AHCYL1: variants seen among roughly 807,000 people sequenced by gnomAD.
AHCYL1 encodes the protein S-adenosylhomocysteine hydrolase-like protein 1.
A neutral mutation model predicts 79.3 loss-of-function variants in AHCYL1; 20 were observed. The ratio of observed to expected loss-of-function variants is 0.25; its 90% CI spans 0.18 to 0.37. AHCYL1 has a LOEUF of 0.37. AHCYL1 is among the 10% of genes least tolerant of loss of function. The pLI is 1.00. For missense variants in AHCYL1, 330 were observed against 673.6 expected, an observed-to-expected ratio of 0.49 and a Z score of 5.65; for synonymous variants, 223 against 242.2, an observed-to-expected ratio of 0.92 and a Z score of 0.74.
At chr1:110,014,991 T>C (rs780561865) in intron 6 of AHCYL1, 134 bp downstream of exon 6, 114 of 810,858 alleles carry the variant, frequency 1.4e-4, no homozygotes, top group Admixed American at 3.6e-4. Context: ...TTTAGCTTGA[T>C]ACCTATTCAG....
At chr1:110,020,569 GT>G (rs369129863) in intron 15 of AHCYL1, among the ~76,000 whole-genome samples, 161 bp from the exon 16 acceptor site, 1,743 of 149,778 alleles carry the variant, frequency 0.012, 20 homozygotes, top group South Asian at 0.043. Context: ...CAGCTTTGAG[GT>G]TTTTTTTTTA....
chr1:109,985,059 A>G lies in AHCYL1; in HGVS notation c.7A>G (p.Met3Val), dbSNP rs538673946. The G allele has an allele frequency of 1.3e-6, 2 of 1,596,400 alleles. No individual in the cohort carries two copies. The highest frequency in any genetic ancestry group is 1.4e-5 in the African/African-American group (1 of 73,468). Reference protein sequence around the residue: MSMPDAMPLPGVG... With the variant: MSVPDAMPLPGVG... ...TGGCCGGGCCGGCCGGGGAATGTCG[A>G]TGCCTGACGCGATGCCGCTGCCCGG... The change falls in exon 1 of 17, where the codon ATG becomes GTG. Residue 3 changes from methionine to valine, a missense_variant. Met to Val is a conservative substitution (Grantham distance 21). Coordinates refer to ENST00000369799, the MANE Select transcript of AHCYL1 (RefSeq NM_006621.7).
chr1:110,011,174 G>A, intron 2 of AHCYL1, 40 bp from the exon 3 acceptor site: 1 of 1,610,302 alleles, frequency 6.2e-7, no homozygotes, highest in Non-Finnish European at 8.5e-7. Context: ...GGGGACCACT[G>A]AGGTTTTTCT....
At chr1:110,000,089 C>A (rs1650228040) in intron 1 of AHCYL1, among the ~76,000 whole-genome samples, 1 of 152,146 alleles carries the variant, frequency 6.6e-6, no homozygotes, top group Non-Finnish European at 1.5e-5. Flanking sequence ...ACAGGATAAA[C>A]CTCTTCAAAA....
rs921309019 is a variant in AHCYL1 at position 110,022,853 on chromosome 1, A to G, written c.*1173A>G. On this transcript the variant is annotated 3_prime_UTR_variant, in exon 17 of 17. Transcript: ENST00000369799. ...ATAATGTTAGTTTTACAGAAGTAAT[A>G]TGACTTTTGATTGCTACATACCACA... 5.2e-5 allele frequency: 8 copies of G among 152,548 alleles called. 1 individual carries two copies. The highest frequency in any genetic ancestry group is 3.3e-4 in the Admixed American group (5 of 15,298). The allele number at this position is 152,548 out of a possible 1,614,324, so 9.4% of individuals were successfully genotyped here.
chr1:110,013,552 A>G lies in AHCYL1; in HGVS notation c.580+553A>G, dbSNP rs539273441. On this transcript the variant is annotated intron_variant, in intron 5 of 16. Transcript: ENST00000369799. ...TGGTGAAACCCCACCTCTACTAAAAATACAAAAGTTAGCCGGGAGTGGTGG... is the reference window on the plus strand; with the variant it reads ...TGGTGAAACCCCACCTCTACTAAAAGTACAAAAGTTAGCCGGGAGTGGTGG... Among the ~76,000 whole-genome samples the G allele has an allele frequency of 1.1e-3, 160 of 152,096 alleles. 1 individual carries two copies. Among genetic ancestry groups the G allele is most frequent in the African/African-American group, 3.7e-3 (153 of 41,536 alleles).
chr1:109,988,101 A>C (rs1021959747), intron 1 of AHCYL1, among the ~76,000 whole-genome samples: 2 of 152,248 alleles, frequency 1.3e-5, no homozygotes, highest in African/African-American at 4.8e-5. Context: ...ATAGTTGATG[A>C]GGTTGATCAC....
At chr1:109,995,685 C>T (rs971828131) in intron 1 of AHCYL1, 2 of 985,268 alleles carry the variant, frequency 2.0e-6, no homozygotes, top group East Asian at 1.1e-4. Flanking sequence ...ACTTCTCATT[C>T]TGTGGAAGGA....
chr1:109,992,408 C>CAAAAAAA (rs57891226), intron 1 of AHCYL1, among the ~76,000 whole-genome samples: 2 of 72,776 alleles, frequency 2.7e-5, no homozygotes, highest in African/African-American at 4.4e-5. Flanking sequence ...GACTCCGTCT[C>CAAAAAAA]AAAAAAAAAA....
At chr1:110,014,649 TC>T in intron 5 of AHCYL1, 113 bp from the exon 6 acceptor site, 1 of 704,770 alleles carries the variant, frequency 1.4e-6, no homozygotes, top group Non-Finnish European at 2.4e-6. Context: ...CTGAATTTTT[TC>T]CCTTCTGAAA....
At chr1:110,007,836 G>C (rs1235723714) in intron 1 of AHCYL1, among the ~76,000 whole-genome samples, 1 of 152,112 alleles carries the variant, frequency 6.6e-6, no homozygotes, top group African/African-American at 2.4e-5. Flanking sequence ...TTTGAAGAAA[G>C]GGTTTATCAG....
At chr1:110,000,946 CAT>C (rs1650277408) in intron 1 of AHCYL1, 1 of 984,874 alleles carries the variant, frequency 1.0e-6, no homozygotes, top group African/African-American at 1.7e-5. Flanking sequence ...CACTTAAAGT[CAT>C]ATAAATCTAG....
intron 1 of AHCYL1, among the ~76,000 whole-genome samples, chr1:109,992,080 G>T (rs550918069): frequency 3.3e-5 from 5 of 151,812 alleles, no homozygotes; most frequent in African/African-American, 1.2e-4. Flanking sequence ...AAATCTGGGG[G>T]CGGGGGGAAG....
intron 1 of AHCYL1, among the ~76,000 whole-genome samples, chr1:110,001,324 C>T (rs924542342): frequency 5.9e-5 from 9 of 151,964 alleles, no homozygotes; most frequent in African/African-American, 1.9e-4. Flanking sequence ...GTAGCTGGGA[C>T]TACAGGCACA....
rs571302540 is a variant in AHCYL1, at chr1:110,014,924, G to T, written c.675+67G>T. On this transcript the variant is annotated intron_variant, in intron 6 of 16. Coordinates refer to ENST00000369799, the MANE Select transcript of AHCYL1 (RefSeq NM_006621.7). The stretch of plus-strand genomic sequence containing the variant: ...TTTCCTTTTTTTCCCTCAAAGCATG[G>T]TTCCCTAAATATGTTTTGGATGTTT... The T allele has an allele frequency of 2.1e-6, 3 of 1,444,882 alleles. No individual in the cohort carries two copies. The Admixed American group carries it at 5.2e-5, about 25-fold the overall frequency. The allele number at this position is 1,444,882 out of a possible 1,614,324, so 89.5% of individuals were successfully genotyped here.
rs772538545 is a variant in AHCYL1 at position 110,015,494 on chromosome 1, C to T, written c.745C>T (p.Arg249Ter). The T allele has an allele frequency of 6.2e-7, 1 of 1,614,136 alleles. No homozygotes were observed. The highest frequency in any genetic ancestry group is 8.5e-7 in the Non-Finnish European group (1 of 1,180,012). ...GTATCCAAACGTGTTTAAGAAGATC[C>T]GAGGCATTGTGGAAGAGAGCGTGAC... ...KKYPNVFKKIRGIVEESVTGV... is the reference protein window; with the variant it reads ...KKYPNVFKKI Residue 249 changes from arginine (R) to a stop codon, truncating the protein, a stop_gained, in exon 7 of 17, where the codon CGA (arginine) becomes TGA (stop). Coordinates refer to ENST00000369799, the MANE Select transcript of AHCYL1 (RefSeq NM_006621.7). LOFTEE classifies it high-confidence loss of function.
chr1:110,003,351 A>G (rs1032071300), intron 1 of AHCYL1, among the ~76,000 whole-genome samples: 9 of 152,154 alleles, frequency 5.9e-5, no homozygotes, highest in Non-Finnish European at 2.9e-5. Flanking sequence ...ATATATATAG[A>G]GAGAGAAAAA....
chr1:109,992,081 CG>C (rs541462771), intron 1 of AHCYL1, among the ~76,000 whole-genome samples: 3 of 140,292 alleles, frequency 2.1e-5, no homozygotes, highest in Non-Finnish European at 4.5e-5. Context: ...AATCTGGGGG[CG>C]GGGGGAAGAA....
rs1463905417 is a variant in AHCYL1, at chr1:110,017,998, G to T, written c.1105G>T (p.Val369Phe). The change falls in exon 11 of 17, where the codon GTC (valine) becomes TTC (phenylalanine). Residue 369 changes from valine to phenylalanine, a missense_variant. By Grantham distance (50) the Val-to-Phe change is conservative. Transcript: ENST00000369799. Reference protein sequence around the residue: ...KLNEVIRQVDVVITCTGNKNV... With the variant: ...KLNEVIRQVDFVITCTGNKNV... Reference sequence around the variant, plus strand: ...AAATGAAGTCATCCGGCAAGTCGATGTCGTAATAACTTGCACAGGTAAATA... The same window carrying T: ...AAATGAAGTCATCCGGCAAGTCGATTTCGTAATAACTTGCACAGGTAAATA... 6.2e-7 allele frequency: 1 copy of T among 1,614,178 alleles called. No individual in the cohort carries two copies. Among genetic ancestry groups the T allele is most frequent in the African/African-American group, 1.3e-5 (1 of 75,042 alleles).
Sources: allele counts gnomAD v4.1 joint callset (sites outside exome capture counted in the v4.1 genomes callset), GRCh38; gene constraint gnomAD v4.1.1; transcripts MANE v1.5; gene names NCBI Gene and HGNC (gene_info 2026-07-23, HGNC 2026-07-21).